Variants in ZMYM4 observed in about 807,000 individuals in gnomAD.
ZMYM4 encodes the protein zinc finger MYM-type containing 4.
In ZMYM4, 31 loss-of-function variants were observed where a neutral mutation model predicts 183.2. The ratio of observed to expected loss-of-function variants is 0.17; its 90% CI spans 0.13 to 0.23. The LOEUF (loss-of-function observed/expected upper bound fraction) is 0.23, where lower values mean the gene tolerates loss of function less well. ZMYM4 is among the 10% of genes least tolerant of loss of function. The pLI is 1.00. For missense variants in ZMYM4, 1,273 were observed against 1,840.3 expected (o/e 0.69, Z 5.64); for synonymous variants, 592 against 631.2 (o/e 0.94, Z 0.93).
intron 1 of ZMYM4, among the ~76,000 whole-genome samples, chr1:35,288,342 G>C (rs532919204): frequency 6.6e-6 from 1 of 152,128 alleles, no homozygotes; most frequent in African/African-American, 2.4e-5. Flanking sequence ...TAACAAGTTG[G>C]CTCCCTTATT....
intron 1 of ZMYM4, among the ~76,000 whole-genome samples, chr1:35,297,637 G>A (rs1641085692): frequency 6.6e-6 from 1 of 152,174 alleles, no homozygotes; most frequent in Non-Finnish European, 1.5e-5. Context: ...AGACTTTGTA[G>A]CCATCATTAC....
chr1:35,345,150 T>C (rs1378353698), intron 2 of ZMYM4, among the ~76,000 whole-genome samples: 1 of 152,336 alleles, frequency 6.6e-6, no homozygotes, highest in South Asian at 2.1e-4. Context: ...AAGTTTTAGT[T>C]TGACTAAATT....
Position 35,268,931 on chromosome 1 carries a change from G to A in ZMYM4, c.-116G>A, listed in dbSNP as rs1427735178. 9.1e-6 allele frequency: 11 copies of A among 1,214,528 alleles called. No homozygotes were observed. Among genetic ancestry groups the A allele is most frequent in the Non-Finnish European group, 1.2e-5 (11 of 946,420 alleles). The allele number at this position is 1,214,528 out of a possible 1,614,324, so 75.2% of individuals were successfully genotyped here. On this transcript the variant is annotated 5_prime_UTR_variant, in exon 1 of 30. Transcript: ENST00000314607. ...CCACTCTCGGCGCAAGGCCCGGCCG[G>A]GTCCGGGGAAGCTGCCGCGAGGCGG...
At chr1:35,330,498 G>GA (rs1642691574) in intron 2 of ZMYM4, among the ~76,000 whole-genome samples, 1 of 152,168 alleles carries the variant, frequency 6.6e-6, no homozygotes, top group Non-Finnish European at 1.5e-5. Context: ...GCTTCTTGAA[G>GA]AACTTTCCTG....
intron 1 of ZMYM4, among the ~76,000 whole-genome samples, chr1:35,282,663 C>A (rs1018734281): frequency 1.3e-5 from 2 of 152,102 alleles, no homozygotes; most frequent in African/African-American, 4.8e-5. Context: ...TTAAGCTGTC[C>A]TCCCACCTCA....
intron 25 of ZMYM4, among the ~76,000 whole-genome samples, chr1:35,405,709 A>C (rs1348169370): frequency 6.6e-6 from 1 of 151,500 alleles, no homozygotes; most frequent in Non-Finnish European, 1.5e-5. Context: ...GTGCCTCAAA[A>C]TATGTCTTCT....
chr1:35,399,618 T>C (rs1644867360), intron 23 of ZMYM4, 42 bp downstream of exon 23: 1 of 1,602,244 alleles, frequency 6.2e-7, no homozygotes, highest in Middle Eastern at 1.7e-4. Flanking sequence ...CTTTCCTTCA[T>C]TCTACAAGCA....
intron 1 of ZMYM4, among the ~76,000 whole-genome samples, chr1:35,273,792 C>T (rs1446519655): frequency 6.6e-6 from 1 of 152,090 alleles, no homozygotes; most frequent in Non-Finnish European, 1.5e-5. Flanking sequence ...CACTGATTAC[C>T]TTCAGTGGGT....
At chr1:35,376,352 T>A (rs1644333647) in intron 7 of ZMYM4, among the ~76,000 whole-genome samples, 1 of 152,210 alleles carries the variant, frequency 6.6e-6, no homozygotes, top group African/African-American at 2.4e-5. Context: ...TCCATTTCCT[T>A]GATCCATGCT....
At chr1:35,352,504 A>G (rs1643666028) in intron 2 of ZMYM4, among the ~76,000 whole-genome samples, 2 of 152,012 alleles carry the variant, frequency 1.3e-5, no homozygotes, top group Non-Finnish European at 2.9e-5. Context: ...CTGAAGAATT[A>G]TTTTATACTA....
intron 17 of ZMYM4, 32 bp from the exon 18 acceptor site, chr1:35,393,563 T>C: frequency 6.5e-7 from 1 of 1,549,624 alleles, no homozygotes; most frequent in South Asian, 1.3e-5. Context: ...TTTTTAAAAA[T>C]GTTTTTGGTT....
At chr1:35,331,254 A>G (rs1461616549) in intron 2 of ZMYM4, among the ~76,000 whole-genome samples, 3 of 152,190 alleles carry the variant, frequency 2.0e-5, no homozygotes, top group South Asian at 2.1e-4. Flanking sequence ...GGATATAAAC[A>G]TGGGTAGAGA....
At chr1:35,370,135 A>G (rs1644171523) in intron 6 of ZMYM4, 22 bp downstream of exon 6, 2 of 1,609,240 alleles carry the variant, frequency 1.2e-6, no homozygotes, top group South Asian at 2.2e-5. Context: ...ACCTGAATAA[A>G]TGGATTGTGT....
intron 5 of ZMYM4, among the ~76,000 whole-genome samples, chr1:35,362,942 C>T (rs1643976829): frequency 6.6e-6 from 1 of 152,178 alleles, no homozygotes; most frequent in African/African-American, 2.4e-5. Flanking sequence ...AGGCTGAAGC[C>T]AGCAGATCAC....
intron 1 of ZMYM4, among the ~76,000 whole-genome samples, chr1:35,306,906 C>G (rs1270105044): frequency 6.6e-6 from 1 of 152,194 alleles, no homozygotes; most frequent in African/African-American, 2.4e-5. Flanking sequence ...ATTCATCTAA[C>G]TATGTAATTG....
At chr1:35,342,499 G>A (rs1643238818) in intron 2 of ZMYM4, among the ~76,000 whole-genome samples, 1 of 152,060 alleles carries the variant, frequency 6.6e-6, no homozygotes. Context: ...GCGTTTTGTG[G>A]GGGATGGAAA....
intron 2 of ZMYM4, among the ~76,000 whole-genome samples, chr1:35,350,566 C>T (rs1318204064): frequency 1.3e-5 from 2 of 151,746 alleles, no homozygotes; most frequent in Admixed American, 6.6e-5. Flanking sequence ...GGATTACAGG[C>T]GTGAGCCACC....
At chr1:35,396,505 T>A (rs1644811315) in intron 18 of ZMYM4, 47 bp from the exon 19 acceptor site, 2 of 1,607,894 alleles carry the variant, frequency 1.2e-6, no homozygotes. Context: ...TATGAAAGCA[T>A]TTCTAACCCT....
At chr1:35,282,980 G>GGTTTT (rs1640256059) in intron 1 of ZMYM4, among the ~76,000 whole-genome samples, 1 of 26,224 alleles carries the variant, frequency 3.8e-5, no homozygotes, top group African/African-American at 9.4e-5. Context: ...TGTGTGTGTG[G>GGTTTT]TTTTTTTTTT....
Sources: gnomAD v4.1 joint callset for allele counts (sites outside exome capture counted in the v4.1 genomes callset) on GRCh38, gnomAD v4.1.1 for gene constraint, MANE v1.5 for transcripts, NCBI Gene and HGNC (gene_info 2026-07-23, HGNC 2026-07-21) for gene names.